The following PTPRG variants were observed in gnomAD, a reference collection of about 807,000 sequenced individuals.
PTPRG encodes protein tyrosine phosphatase receptor type G.
A neutral mutation model predicts 165.3 loss-of-function variants in PTPRG; 102 were observed. The ratio of observed to expected loss-of-function variants is 0.62; its 90% CI spans 0.53 to 0.73. The LOEUF (loss-of-function observed/expected upper bound fraction) is 0.73. PTPRG is among the 30% of genes least tolerant of loss of function. The pLI is 0.00. For missense variants in PTPRG, 1,866 were observed against 1,861.4 expected, an observed-to-expected ratio of 1.00 and a Z score of -0.05; for synonymous variants, 675 against 669.5, an observed-to-expected ratio of 1.01 and a Z score of -0.13.
intron 1 of PTPRG, among the ~76,000 whole-genome samples, chr3:61,716,967 A>T (rs1179715273): frequency 6.6e-6 from 1 of 152,184 alleles, no homozygotes; most frequent in South Asian, 2.1e-4. Context: ...GTGAGACTCC[A>T]TGTCAACAAA....
intron 2 of PTPRG, among the ~76,000 whole-genome samples, chr3:61,835,799 G>A (rs1477725751): frequency 6.6e-6 from 1 of 151,860 alleles, no homozygotes; most frequent in Admixed American, 6.5e-5. Flanking sequence ...AGCACTTTGG[G>A]AGGCCGAGGT....
chr3:61,974,832 G>A (rs73839604), intron 2 of PTPRG, among the ~76,000 whole-genome samples: 3,435 of 152,312 alleles, frequency 0.023, 104 homozygotes, highest in African/African-American at 0.076. Flanking sequence ...GTCCTTAGCT[G>A]AGAGATCCTG....
At chr3:61,990,681 A>G (rs2040862758) in intron 3 of PTPRG, among the ~76,000 whole-genome samples, 1 of 151,890 alleles carries the variant, frequency 6.6e-6, no homozygotes, top group Non-Finnish European at 1.5e-5. Flanking sequence ...GATATTTTTC[A>G]CTCTTATTAC....
intron 2 of PTPRG, among the ~76,000 whole-genome samples, chr3:61,984,555 A>T (rs1257103515): frequency 1.3e-5 from 2 of 152,186 alleles, no homozygotes; most frequent in Non-Finnish European, 2.9e-5. Context: ...AACTTATTTA[A>T]CACAACTTAT....
chr3:61,785,609 C>T (rs2034672167), intron 2 of PTPRG, among the ~76,000 whole-genome samples: 1 of 151,978 alleles, frequency 6.6e-6, no homozygotes, highest in South Asian at 2.1e-4. Context: ...ATGATAGTGC[C>T]CACTTGATAA....
intron 1 of PTPRG, among the ~76,000 whole-genome samples, chr3:61,706,786 G>A (rs1292079191): frequency 6.6e-6 from 1 of 151,844 alleles, no homozygotes; most frequent in Admixed American, 6.6e-5. Context: ...CACTGTGCCC[G>A]GCCAGTATTA....
intron 1 of PTPRG, among the ~76,000 whole-genome samples, chr3:61,580,565 G>C (rs1700268465): frequency 6.6e-6 from 1 of 151,988 alleles, no homozygotes; most frequent in East Asian, 1.9e-4. Flanking sequence ...TCCATCTCTT[G>C]ACCTTGTGAT....
intron 2 of PTPRG, among the ~76,000 whole-genome samples, chr3:61,859,280 T>A (rs981618700): frequency 6.6e-6 from 1 of 152,202 alleles, no homozygotes; most frequent in African/African-American, 2.4e-5. Context: ...GACCTTAGGT[T>A]ATTTTCTTTC....
At chr3:62,165,319 C>G (rs1005235918) in intron 7 of PTPRG, among the ~76,000 whole-genome samples, 3 of 152,184 alleles carry the variant, frequency 2.0e-5, no homozygotes, top group Non-Finnish European at 4.4e-5. Flanking sequence ...AAGTTATTTT[C>G]TCTGAGAAAT....
At chr3:61,944,577 A>G (rs1303443648) in intron 2 of PTPRG, among the ~76,000 whole-genome samples, 1 of 152,206 alleles carries the variant, frequency 6.6e-6, no homozygotes, top group African/African-American at 2.4e-5. Flanking sequence ...TCACAGGGCC[A>G]GACAGCCTCG....
At chr3:61,865,580 G>A (rs915149105) in intron 2 of PTPRG, among the ~76,000 whole-genome samples, 5 of 152,088 alleles carry the variant, frequency 3.3e-5, no homozygotes, top group African/African-American at 1.2e-4. Context: ...CATATGGATG[G>A]CCCGATACCT....
At position 61,738,289 on chromosome 3, in the gene PTPRG, T is replaced by TAC. The variant is rs2032817634; in HGVS notation, c.86-10588_86-10587insCA. 4.4e-5 allele frequency among the ~76,000 whole-genome samples: 3 copies of TAC among 68,662 alleles called. 1 individual carries two copies. Among genetic ancestry groups the TAC allele is most frequent in the Admixed American group, 4.4e-4 (3 of 6,894 alleles). 45.0% of individuals were successfully genotyped at this position (68,662 alleles called of 152,430 possible). On this transcript the variant is annotated intron_variant, in intron 1 of 29. Coordinates refer to ENST00000474889, the MANE Select transcript of PTPRG (RefSeq NM_002841.4). Reference sequence around the variant, plus strand: ...ATATATATATATATACATATATATATATATATATATATATATATATATACA... The same window carrying TAC: ...ATATATATATATATACATATATATATACATATATATATATATATATATATACA...
chr3:61,629,889 G>A (rs915904467), intron 1 of PTPRG, among the ~76,000 whole-genome samples: 1 of 152,168 alleles, frequency 6.6e-6, no homozygotes, highest in Admixed American at 6.5e-5. Context: ...GCCTTTCAAG[G>A]GCCCTTCTGT....
At position 62,273,949 on chromosome 3, in the gene PTPRG, A is replaced by ATTAC; in HGVS notation, c.3465+107_3465+110dup. ...TGCATTAATGTATACACCGAAATGGATTACTATTTGTACTCCTTGTACTCC... is the reference window on the plus strand; with the variant it reads ...TGCATTAATGTATACACCGAAATGGATTACTTACTATTTGTACTCCTTGTACTCC... On this transcript the variant is annotated intron_variant, in intron 23 of 29. Transcript: ENST00000474889. The surrounding 1 kb of genome is among the most constrained non-coding windows in gnomAD (Gnocchi z 4.1). The ATTAC allele has an allele frequency of 8.7e-7, 1 of 1,148,818 alleles. No individual in the cohort carries two copies. Among genetic ancestry groups the ATTAC allele is most frequent in the Non-Finnish European group, 1.2e-6 (1 of 802,938 alleles). The allele number at this position is 1,148,818 out of a possible 1,614,324, so 71.2% of individuals were successfully genotyped here.
chr3:62,253,050 ATG>A (rs143906775), intron 15 of PTPRG, among the ~76,000 whole-genome samples: 2 of 152,268 alleles, frequency 1.3e-5, no homozygotes, highest in African/African-American at 2.4e-5. Flanking sequence ...ATTTCTGGGC[ATG>A]TGTGTGTGAC....
Position 62,281,545 on chromosome 3 carries a change from T to TTTTTTTTTTTTTTTTTTTTTTTTTTTTTG in PTPRG, c.3766-12_3766-11insTTTTTTTTTTTTTTTTTTTTTTGTTTTTT. On this transcript the variant is annotated splice_polypyrimidine_tract_variant and intron_variant, in intron 26 of 29. Transcript: ENST00000474889. Reference sequence around the variant, plus strand: ...TTGACAGAACTGCAGAGGCTTTTTTTTTTTTTGGATTCCAAAGGCAGAAGA... The same window carrying TTTTTTTTTTTTTTTTTTTTTTTTTTTTTG: ...TTGACAGAACTGCAGAGGCTTTTTTTTTTTTTTTTTTTTTTTTTTTTTTTTTTTGTTTTTTGGATTCCAAAGGCAGAAGA... The TTTTTTTTTTTTTTTTTTTTTTTTTTTTTG allele has an allele frequency of 7.2e-7, 1 of 1,388,976 alleles. No individual in the cohort carries two copies. Among genetic ancestry groups the TTTTTTTTTTTTTTTTTTTTTTTTTTTTTG allele is most frequent in the South Asian group, 1.4e-5 (1 of 72,824 alleles). The allele number at this position is 1,388,976 out of a possible 1,614,324, so 86.0% of individuals were successfully genotyped here.
At chr3:61,669,463 G>A (rs1702905880) in intron 1 of PTPRG, among the ~76,000 whole-genome samples, 1 of 152,122 alleles carries the variant, frequency 6.6e-6, no homozygotes, top group Admixed American at 6.5e-5. Flanking sequence ...GTGTCTGCAG[G>A]GGCATCCATT....
At chr3:62,112,767 T>C (rs1702717432) in intron 5 of PTPRG, among the ~76,000 whole-genome samples, 2 of 152,136 alleles carry the variant, frequency 1.3e-5, no homozygotes, top group African/African-American at 4.8e-5. Context: ...AACATTACCA[T>C]CTCCCTAAGA....
intron 2 of PTPRG, among the ~76,000 whole-genome samples, chr3:61,788,013 A>G (rs754157556): frequency 1.3e-5 from 2 of 152,202 alleles, no homozygotes; most frequent in Non-Finnish European, 2.9e-5. Flanking sequence ...TTGTAGCAGT[A>G]TTCAAAATGT....
Sources: allele counts gnomAD v4.1 joint callset (sites outside exome capture counted in the v4.1 genomes callset), GRCh38; gene constraint gnomAD v4.1.1; non-coding constraint Gnocchi (gnomAD v3.1); transcripts MANE v1.5; gene names NCBI Gene and HGNC (gene_info 2026-07-23, HGNC 2026-07-21).